MYO16: variants seen among roughly 807,000 people sequenced by gnomAD.
MYO16 encodes the protein unconventional myosin-XVI.
A neutral mutation model predicts 205.3 loss-of-function variants in MYO16; 94 were observed. That is an observed-to-expected ratio of 0.46 (90% CI 0.39 to 0.54). The LOEUF is 0.54. Among genes scored for constraint, MYO16 ranks in the 20% least tolerant of loss-of-function variants. MYO16 has a pLI of 0.00. For missense variants in MYO16, 2,315 were observed against 2,387.5 expected (o/e 0.97, Z 0.63); for synonymous variants, 988 against 954.0 (o/e 1.04, Z -0.66).
Position 109,140,962 on chromosome 13 carries a change from A to G in MYO16, c.4750A>G (p.Asn1584Asp). Residue 1584 changes from asparagine to aspartate, a missense_variant, in exon 32 of 35, where the codon AAC (asparagine) becomes GAC (aspartate). By Grantham distance (23) the Asn-to-Asp change is conservative. This residue lies in a region of MYO16 where 1,097 missense variants were observed against 1,092.0 expected (regional missense o/e 1.00). Transcript: ENST00000457511. The surrounding 1 kb of genome is among the most constrained non-coding windows in gnomAD (Gnocchi z 8.0). ...CGCGTCCCCCGGCCTGGCGCTGTTC[A>G]ACGGGTCCGGCCGAGCCTCCCCGCC... ...RPASPGLALF[N>D]GSGRASPPST... The G allele has an allele frequency of 6.7e-7, 1 of 1,491,312 alleles. No individual in the cohort carries two copies. Among genetic ancestry groups the G allele is most frequent in the Non-Finnish European group, 8.9e-7 (1 of 1,119,316 alleles). 92.4% of individuals were successfully genotyped at this position (1,491,312 alleles called of 1,614,324 possible).
In MYO16 at chr13:108,612,722, T is replaced by G. The variant is rs144636144; in HGVS notation, c.-39+16483T>G. On this transcript the variant is annotated intron_variant, in intron 1 of 24. Transcript: ENST00000251041. ...GGGTGGGGTTGGGAGGGGTAGGCTC[T>G]GACTTTTGACAACCCATTCCCATTA... 4.4e-3 allele frequency among the ~76,000 whole-genome samples: 673 copies of G among 152,276 alleles called. 4 individuals are homozygous for G. Among genetic ancestry groups the G allele is most frequent in the Non-Finnish European group, 7.2e-3 (491 of 68,002 alleles).
At chr13:108,510,461 G>GTTTTTTGTTTT in the MYO16 span, among the ~76,000 whole-genome samples, 11 of 45,870 alleles carry the variant, frequency 2.4e-4, no homozygotes, top group East Asian at 2.0e-3. Flanking sequence ...ATTGATAGCT[G>GTTTTTTGTTTT]TTTTTTTTTT....
At chr13:108,898,155 G>A (rs373774264) in intron 15 of MYO16, 22 bp downstream of exon 15, 80 of 1,571,254 alleles carry the variant, frequency 5.1e-5, no homozygotes, top group African/African-American at 2.0e-4. Flanking sequence ...ATTTGACAAC[G>A]TGGATTTCCT....
At chr13:108,678,581 C>G (rs1244973437) in intron 2 of MYO16, among the ~76,000 whole-genome samples, 2 of 152,090 alleles carry the variant, frequency 1.3e-5, no homozygotes, top group Non-Finnish European at 2.9e-5. Context: ...CTCTTTGTTG[C>G]CAGGCTCAGA....
intron 18 of MYO16, 89 bp from the exon 19 acceptor site, chr13:108,962,334 TA>T (rs1433339099): frequency 9.9e-7 from 1 of 1,009,452 alleles, no homozygotes; most frequent in East Asian, 2.5e-5. Flanking sequence ...TGTGCCTATA[TA>T]AAACTTATCA....
intron 27 of MYO16, among the ~76,000 whole-genome samples, chr13:109,098,912 A>T (rs1157375160): frequency 1.3e-5 from 2 of 152,152 alleles, no homozygotes; most frequent in Non-Finnish European, 2.9e-5. Flanking sequence ...TTTAATTCTC[A>T]CTTAGTTCAT....
chr13:108,534,483 C>T, the MYO16 span, among the ~76,000 whole-genome samples: 5 of 152,098 alleles, frequency 3.3e-5, no homozygotes, highest in Non-Finnish European at 7.4e-5. Context: ...GTCAAAGTAG[C>T]TGACTCCTGG....
intron 2 of MYO16, among the ~76,000 whole-genome samples, chr13:108,695,213 A>G (rs903745381): frequency 7.2e-5 from 11 of 152,150 alleles, no homozygotes; most frequent in Non-Finnish European, 1.5e-4. Context: ...TTGTGAGGTA[A>G]CATACCACCT....
intron 4 of MYO16, among the ~76,000 whole-genome samples, chr13:108,784,603 G>T (rs960295742): frequency 6.6e-6 from 1 of 151,948 alleles, no homozygotes; most frequent in African/African-American, 2.4e-5. Context: ...AAGAATAATA[G>T]AAAAAACTCT....
At chr13:108,856,121 T>C (rs2759273) in intron 11 of MYO16, among the ~76,000 whole-genome samples, 121,864 of 152,154 alleles carry the variant, frequency 0.8, 48,922 homozygotes, top group East Asian at 0.97. Context: ...GTTCTATCGT[T>C]ATTTGTATGT....
intron 16 of MYO16, among the ~76,000 whole-genome samples, chr13:108,938,136 G>C (rs1882572561): frequency 6.6e-6 from 1 of 151,750 alleles, no homozygotes; most frequent in Non-Finnish European, 1.5e-5. Flanking sequence ...CCCTCTCTAG[G>C]GGTGTGACTG....
At chr13:109,015,702 G>A (rs1241552061) in intron 22 of MYO16, among the ~76,000 whole-genome samples, 1 of 152,146 alleles carries the variant, frequency 6.6e-6, no homozygotes, top group Non-Finnish European at 1.5e-5. Flanking sequence ...GGGTGTATGT[G>A]TCCAGGAATT....
At chr13:109,160,667 T>C (rs1236333747) in intron 32 of MYO16, among the ~76,000 whole-genome samples, 1 of 152,242 alleles carries the variant, frequency 6.6e-6, no homozygotes, top group African/African-American at 2.4e-5. Context: ...CCTTAGTTGT[T>C]TAACTAAATT....
chr13:108,497,580 T>G, the MYO16 span, among the ~76,000 whole-genome samples: 1 of 152,218 alleles, frequency 6.6e-6, no homozygotes. Flanking sequence ...ATTTAACCAA[T>G]ACAATTTCAT....
chr13:108,866,576 A>T (rs1483142675), intron 12 of MYO16, among the ~76,000 whole-genome samples: 1 of 152,212 alleles, frequency 6.6e-6, no homozygotes, highest in Non-Finnish European at 1.5e-5. Context: ...TTATTTGGAC[A>T]CGTGACTTAT....
intron 28 of MYO16, among the ~76,000 whole-genome samples, chr13:109,112,553 C>T (rs926291232): frequency 3.3e-5 from 5 of 152,000 alleles, no homozygotes; most frequent in East Asian, 3.9e-4. Context: ...GTCAGGAGTT[C>T]GAGACCAGCC....
In MYO16 at chr13:109,047,000, A is replaced by AT. The variant is rs755110561; in HGVS notation, c.2872+17dup. ...TCTATTTGTAATGAAAAGTAAGTTG[A>AT]TTTTTTTTCCTGCCCTACACTGGTT... On this transcript the variant is annotated intron_variant, in intron 24 of 34. Coordinates refer to ENST00000457511, the MANE Select transcript of MYO16 (RefSeq NM_001198950.3). The AT allele has an allele frequency of 8.8e-6, 14 of 1,590,092 alleles. No individual in the cohort carries two copies. Among genetic ancestry groups the AT allele is most frequent in the Admixed American group, 5.0e-5 (3 of 59,848 alleles).
chr13:108,883,279 A>T, intron 13 of MYO16, 93 bp downstream of exon 13: 1 of 1,454,822 alleles, frequency 6.9e-7, no homozygotes, highest in Non-Finnish European at 9.3e-7. Context: ...ACCTTTATTT[A>T]CTTTCTCAGC....
intron 12 of MYO16, among the ~76,000 whole-genome samples, chr13:108,869,998 T>C (rs1878967965): frequency 6.6e-6 from 1 of 151,482 alleles, no homozygotes; most frequent in Non-Finnish European, 1.5e-5. Flanking sequence ...TATATATATT[T>C]CTTATCTCAG....
Sources: allele counts gnomAD v4.1 joint callset (sites outside exome capture counted in the v4.1 genomes callset), GRCh38; gene constraint gnomAD v4.1.1; regional missense constraint gnomAD v4.1.1; non-coding constraint Gnocchi (gnomAD v3.1); transcripts MANE v1.5; gene names NCBI Gene and HGNC (gene_info 2026-07-23, HGNC 2026-07-21).